Variants in KIRREL3 observed in about 807,000 individuals in gnomAD.
The protein encoded by KIRREL3 is kirre like nephrin family adhesion molecule 3.
KIRREL3 carries 36 observed loss-of-function variants against 89.7 expected under a neutral mutation model. The ratio of observed to expected loss-of-function variants is 0.40; its 90% confidence interval spans 0.31 to 0.53. The LOEUF is 0.53. Ranked by LOEUF, KIRREL3 falls within the 20% of genes least tolerant of loss-of-function variation. The pLI is 0.49. For missense variants in KIRREL3, 864 were observed against 1,056.6 expected (o/e 0.82, Z 2.53); for synonymous variants, 445 against 441.4 (o/e 1.01, Z -0.10).
At position 126,490,559 on chromosome 11, in the gene KIRREL3, G is replaced by A. The variant is rs1337452510; in HGVS notation, c.434-17093C>T. 1.3e-5 allele frequency among the ~76,000 whole-genome samples: 2 copies of A among 152,238 alleles called. No individual in the cohort carries two copies. Among genetic ancestry groups the A allele is most frequent in the East Asian group, 1.9e-4 (1 of 5,182 alleles). ...TGTGTTTGTGGTGAGACCTGGGAGCGACTCCTGGACTCCCGGTTCCAGGCT... is the reference window on the plus strand; with the variant it reads ...TGTGTTTGTGGTGAGACCTGGGAGCAACTCCTGGACTCCCGGTTCCAGGCT... On this transcript the variant is annotated intron_variant, in intron 4 of 16. Coordinates refer to ENST00000525144, the MANE Select transcript of KIRREL3 (RefSeq NM_032531.4). This position sits in a 1 kb window ranked among gnomAD's most constrained non-coding sequence, Gnocchi z 4.2.
chr11:126,916,578 G>A (rs542781913), intron 1 of KIRREL3, among the ~76,000 whole-genome samples: 12 of 152,084 alleles, frequency 7.9e-5, no homozygotes, highest in Admixed American at 2.0e-4. Flanking sequence ...TCAACTGATC[G>A]GTACAGAAAG....
In KIRREL3 at chr11:126,891,987, G is replaced by GGTTGGCT; in HGVS notation, c.55+108461_55+108467dup. ...CTAGGCCACTGCCAGCATTGGGAAT[G>GGTTGGCT]GTTGGCTCCCTTCCCCTTCCTTCCA... On this transcript the variant is annotated intron_variant, in intron 1 of 16. Transcript: ENST00000525144. This position sits in a 1 kb window ranked among gnomAD's most constrained non-coding sequence, Gnocchi z 5.1. Among the ~76,000 whole-genome samples the GGTTGGCT allele has an allele frequency of 6.6e-6, 1 of 152,304 alleles. No individual in the cohort carries two copies. Among genetic ancestry groups the GGTTGGCT allele is most frequent in the African/African-American group, 2.4e-5 (1 of 41,558 alleles).
Position 126,991,204 on chromosome 11 carries a change from A to G in KIRREL3, c.55+9251T>C, listed in dbSNP as rs955977471. On this transcript the variant is annotated intron_variant, in intron 1 of 16. Transcript: ENST00000525144. The surrounding 1 kb of genome is among the most constrained non-coding windows in gnomAD (Gnocchi z 5.8). ...ATTCAAAGCCTTCCAGAAAGGAACA[A>G]CTTCCTGCAGGGCACGTCCACACTT... Among the ~76,000 whole-genome samples, 3 of 152,116 alleles carry G rather than the reference A, an allele frequency of 2.0e-5. No homozygotes were observed. Among genetic ancestry groups the G allele is most frequent in the South Asian group, 2.1e-4 (1 of 4,822 alleles).
At chr11:126,743,911 C>A (rs1466517959) in intron 1 of KIRREL3, among the ~76,000 whole-genome samples, 1 of 152,104 alleles carries the variant, frequency 6.6e-6, no homozygotes, top group Admixed American at 6.5e-5. Flanking sequence ...AGCATGCATG[C>A]ATGTACAGTG....
chr11:126,573,973 A>G (rs1018385354), intron 1 of KIRREL3, among the ~76,000 whole-genome samples: 7 of 152,142 alleles, frequency 4.6e-5, no homozygotes, highest in Non-Finnish European at 7.3e-5. Context: ...TACCCATTCT[A>G]TTCTTGTCAG....
Position 126,474,189 on chromosome 11 carries a change from TCCA to T in KIRREL3, c.434-726_434-724del, listed in dbSNP as rs1283764689. On this transcript the variant is annotated intron_variant, in intron 4 of 16. Transcript: ENST00000525144. The surrounding 1 kb of genome is among the most constrained non-coding windows in gnomAD (Gnocchi z 6.7). ...GTCTCGAACTCCTGACCTCAGGTAA[TCCA>T]CCCGCCTCAGGCTCCCAAAGTGCTG... Among the ~76,000 whole-genome samples the T allele has an allele frequency of 6.6e-6, 1 of 152,146 alleles. No individual in the cohort carries two copies. The highest frequency in any genetic ancestry group is 1.9e-4 in the East Asian group (1 of 5,184).
chr11:126,467,629 C>CTT (rs546070258), intron 5 of KIRREL3, among the ~76,000 whole-genome samples: 78 of 140,964 alleles, frequency 5.5e-4, no homozygotes, highest in African/African-American at 1.6e-3. Flanking sequence ...TGCTGGGTCC[C>CTT]TTTTTTTTTT....
At chr11:126,442,073 C>G (rs1955586890) in intron 10 of KIRREL3, among the ~76,000 whole-genome samples, 1 of 151,812 alleles carries the variant, frequency 6.6e-6, no homozygotes, top group African/African-American at 2.4e-5. Flanking sequence ...GAGTTCAAGA[C>G]CAGCCTGGCC....
intron 1 of KIRREL3, among the ~76,000 whole-genome samples, chr11:126,583,310 A>G (rs1302868587): frequency 6.6e-6 from 1 of 152,154 alleles, no homozygotes. Flanking sequence ...ATCTTTCTAA[A>G]ATGAGATTTC....
chr11:126,561,033 T>C lies in KIRREL3; in HGVS notation c.133+1802A>G, dbSNP rs1319917785. 6.6e-6 allele frequency among the ~76,000 whole-genome samples: 1 copy of C among 152,242 alleles called. No individual in the cohort carries two copies. The highest frequency in any genetic ancestry group is 1.5e-5 in the Non-Finnish European group (1 of 68,046). The stretch of plus-strand genomic sequence containing the variant: ...ACAGCTCCGCATGCTTTCTGATGCC[T>C]TTCTTATCTGCAGACATGTTGGAGT... On this transcript the variant is annotated intron_variant, in intron 2 of 16. Coordinates refer to ENST00000525144, the MANE Select transcript of KIRREL3 (RefSeq NM_032531.4). This position sits in a 1 kb window ranked among gnomAD's most constrained non-coding sequence, Gnocchi z 4.5.
At chr11:126,434,550 G>C (rs1170511730) in intron 13 of KIRREL3, among the ~76,000 whole-genome samples, 1 of 152,254 alleles carries the variant, frequency 6.6e-6, no homozygotes, top group Non-Finnish European at 1.5e-5. Context: ...GAGGCCAGGG[G>C]CCAGTGTGGC....
intron 1 of KIRREL3, among the ~76,000 whole-genome samples, chr11:126,672,339 A>ACATC (rs1945992348): frequency 6.6e-6 from 1 of 152,216 alleles, no homozygotes; most frequent in Non-Finnish European, 1.5e-5. Context: ...GGTGGTGCTG[A>ACATC]CATCACTTTA....
chr11:126,588,813 C>G (rs1412117581), intron 1 of KIRREL3, among the ~76,000 whole-genome samples: 1 of 152,102 alleles, frequency 6.6e-6, no homozygotes, highest in Non-Finnish European at 1.5e-5. Flanking sequence ...AAATATACGT[C>G]AAATGAATGG....
intron 2 of KIRREL3, among the ~76,000 whole-genome samples, chr11:126,556,193 AG>A (rs777454995): frequency 5.9e-5 from 9 of 152,074 alleles, no homozygotes; most frequent in Non-Finnish European, 1.2e-4. Context: ...CAGTTAGGAG[AG>A]CCCTGATGCA....
rs1355896535 is a variant in KIRREL3 at position 126,477,416 on chromosome 11, T to TG, written c.434-3951dup. Reference sequence around the variant, plus strand: ...CCCCAAGTTCTGCTGCCAAAGACAATGGGGTCTCGGGTGGACAGGTGGCAT... The same window carrying TG: ...CCCCAAGTTCTGCTGCCAAAGACAATGGGGGTCTCGGGTGGACAGGTGGCAT... On this transcript the variant is annotated intron_variant, in intron 4 of 16. Transcript: ENST00000525144. The surrounding 1 kb of genome is among the most constrained non-coding windows in gnomAD (Gnocchi z 4.8). Among the ~76,000 whole-genome samples the TG allele has an allele frequency of 6.6e-6, 1 of 151,854 alleles. No individual in the cohort carries two copies. Among genetic ancestry groups the TG allele is most frequent in the African/African-American group, 2.4e-5 (1 of 41,350 alleles).
chr11:126,616,783 A>G (rs551727971), intron 1 of KIRREL3, among the ~76,000 whole-genome samples: 1 of 152,320 alleles, frequency 6.6e-6, no homozygotes, highest in South Asian at 2.1e-4. Flanking sequence ...CTGAGACTAC[A>G]GGTGCACACC....
Position 126,711,465 on chromosome 11 carries a change from G to C in KIRREL3, c.56-148553C>G, listed in dbSNP as rs567898887. Among the ~76,000 whole-genome samples, 227 of 152,242 alleles carry C rather than the reference G, an allele frequency of 1.5e-3. 3 individuals carry two copies. In the South Asian group the frequency reaches 0.045, roughly 30 times the overall value. ...TAATCCCAGCTACTTGGGAGGCTGA[G>C]GCATGAGAATCACTTGAACCCAGGA... On this transcript the variant is annotated intron_variant, in intron 1 of 16. Coordinates refer to ENST00000525144, the MANE Select transcript of KIRREL3 (RefSeq NM_032531.4).
chr11:126,825,771 G>A (rs1946068), intron 1 of KIRREL3, among the ~76,000 whole-genome samples: 131,406 of 152,188 alleles, frequency 0.86, 57,081 homozygotes, highest in East Asian at 1. Context: ...CAGCAACCCA[G>A]TGAGGTAGGT....
At position 126,614,422 on chromosome 11, in the gene KIRREL3, T is replaced by A. The variant is rs1468736465; in HGVS notation, c.56-51510A>T. ...TGCAAAAGGAAAGGTTGAACTAAGA[T>A]GGATGGGTTTTAATCTTAGCTGCGT... is the stretch of plus-strand genomic sequence containing the variant. On this transcript the variant is annotated intron_variant, in intron 1 of 16. Coordinates refer to ENST00000525144, the MANE Select transcript of KIRREL3 (RefSeq NM_032531.4). This position sits in a 1 kb window ranked among gnomAD's most constrained non-coding sequence, Gnocchi z 4.6. 6.6e-5 allele frequency among the ~76,000 whole-genome samples: 10 copies of A among 152,198 alleles called. No individual in the cohort carries two copies. The highest frequency in any genetic ancestry group is 2.0e-4 in the Admixed American group (3 of 15,280).
Sources: allele counts gnomAD v4.1 joint callset (sites outside exome capture counted in the v4.1 genomes callset), GRCh38; gene constraint gnomAD v4.1.1; non-coding constraint Gnocchi (gnomAD v3.1); transcripts MANE v1.5; gene names NCBI Gene and HGNC (gene_info 2026-07-23, HGNC 2026-07-21).